SNTB2: variants seen among roughly 807,000 people sequenced by gnomAD.
SNTB2 encodes the protein beta-2-syntrophin.
Under a neutral mutation model 46.2 loss-of-function variants are expected in SNTB2, and 34 were observed. The observed-to-expected ratio is 0.74, with a 90% confidence interval of 0.56 to 0.98. SNTB2 has a LOEUF of 0.98. Among genes scored for constraint, SNTB2 ranks in the 50% least tolerant of loss-of-function variants. The probability of loss-of-function intolerance (pLI) is 0.00; values close to 1 mark genes in which losing one functional copy is unlikely to be tolerated. For synonymous variants in SNTB2, 290 were observed against 312.6 expected, an observed-to-expected ratio of 0.93 and a Z score of 0.76; for missense variants, 603 against 731.4, an observed-to-expected ratio of 0.82 and a Z score of 2.02.
intron 4 of SNTB2, among the ~76,000 whole-genome samples, chr16:69,280,842 G>A (rs1965035561): frequency 6.7e-6 from 1 of 149,890 alleles, no homozygotes; most frequent in Non-Finnish European, 1.5e-5. Context: ...CTGTTGCCCA[G>A]GCTGCAGTGC....
chr16:69,248,540 G>A (rs775112915), intron 2 of SNTB2, among the ~76,000 whole-genome samples: 17 of 152,170 alleles, frequency 1.1e-4, no homozygotes, highest in African/African-American at 3.9e-4. Flanking sequence ...GCCAAGGCAG[G>A]AGAATTGCTT....
chr16:69,249,228 A>G (rs574597989), intron 2 of SNTB2, among the ~76,000 whole-genome samples: 14 of 151,850 alleles, frequency 9.2e-5, no homozygotes, highest in Non-Finnish European at 1.9e-4. Context: ...GTTTTGCTAC[A>G]TTGCCCAGAG....
Position 69,245,788 on chromosome 16 carries a change from A to C in SNTB2, c.767A>C (p.Asn256Thr). 6.2e-7 allele frequency: 1 copy of C among 1,613,970 alleles called. No homozygotes were observed. The highest frequency in any genetic ancestry group is 1.1e-5 in the South Asian group (1 of 91,066). Residue 256 changes from asparagine (N) to threonine (T), a missense_variant, in exon 2 of 7, where the codon AAC becomes ACC. Asn to Thr is a moderately conservative substitution (Grantham distance 65). This residue lies in a region of SNTB2 where 537 missense variants were observed against 692.4 expected (regional missense o/e 0.78). Coordinates refer to ENST00000336278, the MANE Select transcript of SNTB2 (RefSeq NM_006750.4). ...CTCAAAATGTGCTTTGCTGCTAGAAACCTAAGCATGCCGGATCTGGAAAAC... is the reference window on the plus strand; with the variant it reads ...CTCAAAATGTGCTTTGCTGCTAGAACCCTAAGCATGCCGGATCTGGAAAAC... ...IPLKMCFAARNLSMPDLENRL... is the reference protein window; with the variant it reads ...IPLKMCFAARTLSMPDLENRL...
At position 69,237,603 on chromosome 16, in the gene SNTB2, C is replaced by CTTTTTTTTTTTTTTT. The variant is rs397706857; in HGVS notation, c.581-7996_581-7982dup. ...TTTTTTTTTCTTTCTTTCTTTCTTTCTTTTTTTTTTTTTTTTTGAGGCAGA... is the reference window on the plus strand; with the variant it reads ...TTTTTTTTTCTTTCTTTCTTTCTTTCTTTTTTTTTTTTTTTTTTTTTTTTTTTTTTTTGAGGCAGA... On this transcript the variant is annotated intron_variant, in intron 1 of 6. Transcript: ENST00000336278. Among the ~76,000 whole-genome samples, 5 of 118,768 alleles carry CTTTTTTTTTTTTTTT rather than the reference C, an allele frequency of 4.2e-5. 1 individual carries two copies. The highest frequency in any genetic ancestry group is 6.9e-5 in the Non-Finnish European group (4 of 58,014). 77.9% of individuals were successfully genotyped at this position (118,768 alleles called of 152,430 possible).
chr16:69,241,168 CTTTTTTT>C (rs747664809), intron 1 of SNTB2, among the ~76,000 whole-genome samples: 5 of 59,286 alleles, frequency 8.4e-5, no homozygotes, highest in Non-Finnish European at 9.2e-5. Flanking sequence ...CCTGGATAAG[CTTTTTTT>C]TTTTTTTTTT....
chr16:69,269,697 G>A (rs979289740), intron 3 of SNTB2, among the ~76,000 whole-genome samples: 8 of 152,104 alleles, frequency 5.3e-5, no homozygotes, highest in African/African-American at 1.7e-4. Flanking sequence ...TTGGTAGTAG[G>A]AGTTTCTGTC....
chr16:69,293,737 C>G (rs1159845385), intron 5 of SNTB2, among the ~76,000 whole-genome samples: 1 of 152,096 alleles, frequency 6.6e-6, no homozygotes, highest in Non-Finnish European at 1.5e-5. Flanking sequence ...GTTGAAAACA[C>G]AAGAGGTAGA....
chr16:69,249,188 G>A (rs1315247823), intron 2 of SNTB2, among the ~76,000 whole-genome samples: 1 of 152,028 alleles, frequency 6.6e-6, no homozygotes, highest in East Asian at 1.9e-4. Context: ...ACTGTGCCCA[G>A]CTAATTTTTG....
chr16:69,281,450 T>C (rs941009896), intron 4 of SNTB2, among the ~76,000 whole-genome samples: 1 of 151,986 alleles, frequency 6.6e-6, no homozygotes, highest in African/African-American at 2.4e-5. Context: ...AAGATCCATT[T>C]TGAGTTAATT....
At chr16:69,229,602 G>A (rs951171092) in intron 1 of SNTB2, among the ~76,000 whole-genome samples, 1 of 150,504 alleles carries the variant, frequency 6.6e-6, no homozygotes, top group Admixed American at 6.6e-5. Context: ...CACTTTGGGA[G>A]GCCGAGGTGG....
chr16:69,228,445 G>A (rs776825061), intron 1 of SNTB2, among the ~76,000 whole-genome samples: 9 of 147,904 alleles, frequency 6.1e-5, no homozygotes, highest in Non-Finnish European at 8.9e-5. Flanking sequence ...GGCAGAGGTT[G>A]CAGGGAGCTG....
At position 69,270,066 on chromosome 16, in the gene SNTB2, T is replaced by C; in HGVS notation, c.1006-77T>C. The C allele has an allele frequency of 1.5e-5, 23 of 1,552,936 alleles. No individual in the cohort carries two copies. The South Asian group carries it at 2.6e-4, about 17-fold the overall frequency. ...AAAACAAAATGGAGACCCATTGTGT[T>C]AGGCCATCATTGAAGGAACTTTTAC... On this transcript the variant is annotated intron_variant, in intron 3 of 6. Transcript: ENST00000336278.
At chr16:69,255,609 G>A (rs1964766508) in intron 2 of SNTB2, among the ~76,000 whole-genome samples, 2 of 151,236 alleles carry the variant, frequency 1.3e-5, no homozygotes, top group Non-Finnish European at 2.9e-5. Flanking sequence ...GGCTGGGCAC[G>A]ATGGTTCATA....
intron 1 of SNTB2, among the ~76,000 whole-genome samples, chr16:69,196,942 G>A (rs1369787374): frequency 1.3e-5 from 2 of 152,132 alleles, no homozygotes; most frequent in African/African-American, 2.4e-5. Flanking sequence ...TAATTTTCAG[G>A]AAAATTGTGC....
chr16:69,252,599 G>A (rs1048644679), intron 2 of SNTB2, among the ~76,000 whole-genome samples: 28 of 152,278 alleles, frequency 1.8e-4, no homozygotes, highest in African/African-American at 6.7e-4. Context: ...TTATTACTAA[G>A]TTGAACACAT....
At position 69,300,952 on chromosome 16, in the gene SNTB2, A is replaced by C; in HGVS notation, c.*28A>C. 7.1e-7 allele frequency: 1 copy of C among 1,403,036 alleles called. No individual in the cohort carries two copies. The allele number at this position is 1,403,036 out of a possible 1,614,324, so 86.9% of individuals were successfully genotyped here. A position where few individuals can be genotyped will look rare whatever the true frequency, so the allele number is the denominator to read the frequency against. ...AACAAAAAATCAGAAAAGAGCCTTG[A>C]CTGTCACAAGAAATATTTCCACCTC... On this transcript the variant is annotated 3_prime_UTR_variant, in exon 7 of 7. Transcript: ENST00000336278.
intron 5 of SNTB2, among the ~76,000 whole-genome samples, chr16:69,297,342 G>A (rs1045170889): frequency 9.4e-5 from 14 of 148,796 alleles, no homozygotes; most frequent in South Asian, 2.1e-4. Flanking sequence ...AAAGGAGGCC[G>A]GGCACGGTGG....
chr16:69,278,889 A>AGAGT (rs1003316492), intron 4 of SNTB2, among the ~76,000 whole-genome samples: 3 of 141,004 alleles, frequency 2.1e-5, no homozygotes, highest in Non-Finnish European at 3.1e-5. Flanking sequence ...AGGTGGGAAG[A>AGAGT]GTGTGTGTGT....
At chr16:69,204,730 C>T (rs1171336298) in intron 1 of SNTB2, among the ~76,000 whole-genome samples, 1 of 152,188 alleles carries the variant, frequency 6.6e-6, no homozygotes, top group Admixed American at 6.5e-5. Context: ...TGGAAATCTG[C>T]AGCATTTGCC....
Sources: gnomAD v4.1 joint callset for allele counts (sites outside exome capture counted in the v4.1 genomes callset) on GRCh38, gnomAD v4.1.1 for gene constraint, gnomAD v4.1.1 regional missense constraint, MANE v1.5 for transcripts, NCBI Gene and HGNC (gene_info 2026-07-23, HGNC 2026-07-21) for gene names.